CDH23: variants seen among roughly 807,000 people sequenced by gnomAD.
CDH23 encodes cadherin-23.
CDH23 carries 189 observed loss-of-function variants against 317.1 expected under a neutral mutation model. The ratio of observed to expected loss-of-function variants is 0.60; its 90% CI spans 0.53 to 0.67. The LOEUF (loss-of-function observed/expected upper bound fraction) is 0.67. Ranked by LOEUF, CDH23 falls within the 30% of genes least tolerant of loss-of-function variation. The pLI is 0.00. For synonymous variants in CDH23, 1,839 were observed against 1,876.8 expected, an observed-to-expected ratio of 0.98 and a Z score of 0.52; for missense variants, 4,401 against 4,592.4, an observed-to-expected ratio of 0.96 and a Z score of 1.20.
chr10:71,807,086 G>A (rs1190660473), intron 57 of CDH23, among the ~76,000 whole-genome samples, 191 bp from the exon 58 acceptor site: 3 of 152,220 alleles, frequency 2.0e-5, no homozygotes, highest in Non-Finnish European at 4.4e-5. Flanking sequence ...GCAACACTCC[G>A]TGAGGGCAGA....
chr10:71,466,875 G>GGT (rs148614100), intron 3 of CDH23, among the ~76,000 whole-genome samples: 3,481 of 150,516 alleles, frequency 0.023, 44 homozygotes, highest in South Asian at 0.055. Flanking sequence ...CAGCATGAGG[G>GGT]GTGTGTGTGT....
chr10:71,403,725 C>T (rs1589264209), intron 1 of CDH23, among the ~76,000 whole-genome samples: 1 of 151,798 alleles, frequency 6.6e-6, no homozygotes, highest in East Asian at 2.0e-4. Context: ...CCATGTTTAC[C>T]GGGATGGTCT....
chr10:71,812,716 G>C, intron 67 of CDH23, 52 bp from the exon 68 acceptor site: 1 of 1,612,560 alleles, frequency 6.2e-7, no homozygotes, highest in Non-Finnish European at 8.5e-7. Flanking sequence ...CCCCTCCCTT[G>C]TACATGTGTG....
intron 3 of CDH23, among the ~76,000 whole-genome samples, chr10:71,449,567 AATT>A (rs1850333675): frequency 6.6e-6 from 1 of 152,206 alleles, no homozygotes; most frequent in South Asian, 2.1e-4. Flanking sequence ...ATATATCATA[AATT>A]ATTATAACAA....
chr10:71,583,662 C>T (rs1259140081), intron 9 of CDH23, among the ~76,000 whole-genome samples: 1 of 152,198 alleles, frequency 6.6e-6, no homozygotes, highest in African/African-American at 2.4e-5. Context: ...TTGCCGCCCA[C>T]ATCCGTTTCC....
rs192459984 is a variant in CDH23, at chr10:71,738,504, A to G, written c.4216A>G (p.Ile1406Val). Reference protein sequence around the residue: ...PKVDSTVKVYITVLDENDNSP... With the variant: ...PKVDSTVKVYVTVLDENDNSP... Reference sequence around the variant, plus strand: ...TGACCACGTTCACCCTCAGGTCTACATCACTGTGCTGGACGAGAATGACAA... The same window carrying G: ...TGACCACGTTCACCCTCAGGTCTACGTCACTGTGCTGGACGAGAATGACAA... The change falls in exon 35 of 70, where the codon ATC becomes GTC. Residue 1406 changes from isoleucine (I) to valine (V), a missense_variant. By Grantham distance (29) the Ile-to-Val change is conservative (BLOSUM62 3). Around this residue, in one of 3 missense-constraint regions of CDH23, gnomAD observed 3,068 missense variants for 3,203.3 expected, o/e 0.96. Coordinates refer to ENST00000224721, the MANE Select transcript of CDH23 (RefSeq NM_022124.6). The G allele has an allele frequency of 4.5e-5, 72 of 1,613,974 alleles. No individual in the cohort carries two copies. In the East Asian group the frequency reaches 1.6e-3, roughly 35 times the overall value.
chr10:71,664,197 A>T (rs778609232), intron 14 of CDH23, among the ~76,000 whole-genome samples: 4 of 152,098 alleles, frequency 2.6e-5, no homozygotes, highest in Non-Finnish European at 4.4e-5. Flanking sequence ...GACACCGGCC[A>T]CCCTGACAGC....
intron 53 of CDH23, among the ~76,000 whole-genome samples, chr10:71,802,541 C>T (rs1428398827): frequency 6.6e-6 from 1 of 152,092 alleles, no homozygotes; most frequent in African/African-American, 2.4e-5. Flanking sequence ...GAGATTAGAG[C>T]CAGATTTATA....
At position 71,677,640 on chromosome 10, in the gene CDH23, G is replaced by T. The variant is rs377148854; in HGVS notation, c.1699G>T (p.Val567Leu). 6.3e-7 allele frequency: 1 copy of T among 1,591,062 alleles called. No individual in the cohort carries two copies. The highest frequency in any genetic ancestry group is 8.6e-7 in the Non-Finnish European group (1 of 1,169,142). ...GCCCACCTTCCAGAAGGATGCCTAC[G>T]TGGGTGCTCTGCGGGAGAACGAGCC... ...NVPTFQKDAYVGALRENEPSV... is the reference protein window; with the variant it reads ...NVPTFQKDAYLGALRENEPSV... Residue 567 changes from valine (V) to leucine (L), a missense_variant, in exon 16 of 70, where the codon GTG becomes TTG. Physicochemically the swap from Val to Leu is conservative, Grantham distance 32 (BLOSUM62 1). Coordinates refer to ENST00000224721, the MANE Select transcript of CDH23 (RefSeq NM_022124.6).
At chr10:71,597,409 C>T (rs1291054313) in intron 9 of CDH23, among the ~76,000 whole-genome samples, 1 of 152,114 alleles carries the variant, frequency 6.6e-6, no homozygotes, top group African/African-American at 2.4e-5. Context: ...TCCCACCTGG[C>T]TCTTGGGGCT....
At chr10:71,713,250 A>G (rs746835999) in intron 28 of CDH23, 2 of 779,292 alleles carry the variant, frequency 2.6e-6, no homozygotes, top group African/African-American at 3.4e-5. Context: ...ACAAGAAGAA[A>G]GGGCTCCTTT....
intron 3 of CDH23, among the ~76,000 whole-genome samples, chr10:71,478,530 A>T (rs994315059): frequency 6.6e-6 from 1 of 152,186 alleles, no homozygotes; most frequent in Admixed American, 6.5e-5. Context: ...GCCCTGCATG[A>T]TAGAGCTTGT....
chr10:71,708,512 C>T (rs1219829980), intron 26 of CDH23, among the ~76,000 whole-genome samples: 1 of 152,204 alleles, frequency 6.6e-6, no homozygotes, highest in African/African-American at 2.4e-5. Context: ...CCACCTGTCC[C>T]AGAACTCAAG....
At chr10:71,435,217 T>G (rs1421240837) in intron 1 of CDH23, among the ~76,000 whole-genome samples, 1 of 152,218 alleles carries the variant, frequency 6.6e-6, no homozygotes, top group Non-Finnish European at 1.5e-5. Flanking sequence ...GCATGTAGAA[T>G]GCATTGTGTA....
At chr10:71,600,086 TCCG>T (rs1860120318) in intron 9 of CDH23, among the ~76,000 whole-genome samples, 1 of 136,078 alleles carries the variant, frequency 7.3e-6, no homozygotes, top group Non-Finnish European at 1.5e-5. Flanking sequence ...TACTGCAACC[TCCG>T]CCTCCCAGGT....
rs1349532174 is a variant in CDH23, at chr10:71,812,810, GACCGAT to G, written c.9557_9562del (p.Arg3186_Tyr3187del). The G allele has an allele frequency of 6.2e-7, 1 of 1,613,462 alleles. No individual in the cohort carries two copies. The highest frequency in any genetic ancestry group is 1.1e-5 in the South Asian group (1 of 90,958). ...GCCAGCAGCTGTCAAGCCTGATGAT[GACCGAT>G]ACCTGCGGGCTGCCATCCAGGAGTA... On this transcript the variant is annotated inframe_deletion, in exon 68 of 70. Transcript: ENST00000224721.
intron 3 of CDH23, among the ~76,000 whole-genome samples, chr10:71,501,969 A>C (rs959074776): frequency 1.5e-4 from 23 of 152,336 alleles, no homozygotes; most frequent in African/African-American, 5.5e-4. Flanking sequence ...TTGGAATTTG[A>C]GGCTGGGGCC....
chr10:71,577,965 C>A lies in CDH23; in HGVS notation c.805C>A (p.Arg269=), dbSNP rs936479651. 11 of 1,604,080 alleles carry A rather than the reference C, an allele frequency of 6.9e-6. No homozygotes were observed. The highest frequency in any genetic ancestry group is 8.5e-6 in the Non-Finnish European group (10 of 1,175,492). The change falls in exon 9 of 70, where the codon CGG becomes AGG. Residue 269 remains arginine (R), a synonymous_variant. Coordinates refer to ENST00000224721, the MANE Select transcript of CDH23 (RefSeq NM_022124.6). ...CATAGACCAGGATAAAGGACGTCCC[C>A]GGGGCATTGGCTACACCATCGTTTC... is the stretch of plus-strand genomic sequence containing the variant. ...TAIDQDKGRP[R]GIGYTIVSGN... is the part of the protein sequence containing the mutation.
rs139319410 is a variant in CDH23, at chr10:71,566,637, T to G, written c.430-105T>G. ...AATGAAAATGACAAGGCCTCGGGTC[T>G]GGTTGGCTGAAGGATGTAGAGAATG... On this transcript the variant is annotated intron_variant, in intron 6 of 69. Transcript: ENST00000224721. 5.6e-4 allele frequency: 567 copies of G among 1,012,372 alleles called. 1 individual carries two copies. The African/African-American group carries it at 8.2e-3, about 15-fold the overall frequency. 62.7% of individuals were successfully genotyped at this position (1,012,372 alleles called of 1,614,324 possible).
Sources: allele counts gnomAD v4.1 joint callset (sites outside exome capture counted in the v4.1 genomes callset), GRCh38; gene constraint gnomAD v4.1.1; regional missense constraint gnomAD v4.1.1; transcripts MANE v1.5; gene names NCBI Gene and HGNC (gene_info 2026-07-23, HGNC 2026-07-21).